Variants in IL1RAPL1 observed in about 807,000 individuals in gnomAD.
The protein encoded by IL1RAPL1 is interleukin-1 receptor accessory protein-like 1.
A neutral mutation model predicts 48.4 loss-of-function variants in IL1RAPL1; 3 were observed. The observed-to-expected ratio is 0.06, with a 90% confidence interval of 0.03 to 0.16. The LOEUF (loss-of-function observed/expected upper bound fraction) is 0.16. Ranked by LOEUF, IL1RAPL1 falls within the 10% of genes least tolerant of loss-of-function variation. IL1RAPL1 has a pLI of 1.00. For missense variants in IL1RAPL1, 349 were observed against 530.6 expected, an observed-to-expected ratio of 0.66 and a Z score of 3.36; for synonymous variants, 185 against 187.7, an observed-to-expected ratio of 0.99 and a Z score of 0.12.
intron 1 of IL1RAPL1, among the ~76,000 whole-genome samples, chrX:28,781,410 T>C (rs1936422411): frequency 9.1e-6 from 1 of 109,922 alleles, no homozygotes; most frequent in South Asian, 3.9e-4. Context: ...CATGGCACTT[T>C]CTTGTTGAAA....
At chrX:29,396,893 T>G (rs1050613430) in intron 4 of IL1RAPL1, among the ~76,000 whole-genome samples, 71 of 112,099 alleles carry the variant, frequency 6.3e-4, no homozygotes, top group African/African-American at 2.2e-3. Context: ...TTGTCCATAT[T>G]CTAATCTTTT....
At chrX:29,139,603 A>G (rs979516472) in intron 2 of IL1RAPL1, among the ~76,000 whole-genome samples, 2 of 111,243 alleles carry the variant, frequency 1.8e-5, no homozygotes, top group African/African-American at 6.5e-5. Flanking sequence ...GTGCCTTTTA[A>G]CAGCATTGAT....
At chrX:29,564,695 T>C (rs985618334) in intron 5 of IL1RAPL1, among the ~76,000 whole-genome samples, 4 of 113,211 alleles carry the variant, frequency 3.5e-5, no homozygotes, top group Non-Finnish European at 5.6e-5. Context: ...ATCAGCCTCC[T>C]GGCTGGCCTC....
intron 5 of IL1RAPL1, among the ~76,000 whole-genome samples, chrX:29,581,783 C>G (rs929195266): frequency 1.8e-5 from 2 of 111,086 alleles, no homozygotes; most frequent in Admixed American, 1.9e-4. Flanking sequence ...GCAGTTCTGG[C>G]TGTTTAATAT....
intron 6 of IL1RAPL1, among the ~76,000 whole-genome samples, chrX:29,876,712 A>G (rs1170605599): frequency 9.0e-6 from 1 of 111,688 alleles, no homozygotes. Context: ...TGTTTTACAG[A>G]CTAGGAGGAA....
At chrX:29,362,433 T>C (rs968076090) in intron 3 of IL1RAPL1, among the ~76,000 whole-genome samples, 3 of 112,163 alleles carry the variant, frequency 2.7e-5, no homozygotes, top group Non-Finnish European at 5.6e-5. Flanking sequence ...CTGATTTTGG[T>C]TGATGCCAGA....
chrX:28,975,095 A>G (rs1925172254), intron 2 of IL1RAPL1, among the ~76,000 whole-genome samples: 1 of 111,824 alleles, frequency 8.9e-6, no homozygotes, highest in African/African-American at 3.2e-5. Flanking sequence ...TTTTAATACA[A>G]AGTCATCTGG....
At chrX:29,418,125 A>ATTT (rs1186251989) in intron 5 of IL1RAPL1, among the ~76,000 whole-genome samples, 9 of 26,703 alleles carry the variant, frequency 3.4e-4, no homozygotes, top group African/African-American at 6.7e-4. Context: ...ATATATATAT[A>ATTT]TTTTTTTTTT....
At chrX:29,424,648 A>G (rs1934329350) in intron 5 of IL1RAPL1, among the ~76,000 whole-genome samples, 2 of 111,836 alleles carry the variant, frequency 1.8e-5, no homozygotes, top group African/African-American at 6.5e-5. Context: ...ACTGTGAAGC[A>G]GGGTGGTTCT....
intron 1 of IL1RAPL1, among the ~76,000 whole-genome samples, chrX:28,734,879 A>G (rs1935802447): frequency 1.8e-5 from 2 of 111,796 alleles, no homozygotes; most frequent in Non-Finnish European, 3.8e-5. Context: ...ATTATGTTGA[A>G]AAGGGTTTTC....
intron 1 of IL1RAPL1, among the ~76,000 whole-genome samples, chrX:28,621,470 C>G (rs1035083428): frequency 8.9e-6 from 1 of 112,100 alleles, no homozygotes; most frequent in Admixed American, 9.5e-5. Flanking sequence ...CTTCCTCTTT[C>G]TTACCTCAAA....
In IL1RAPL1 at chrX:29,915,740, AATTTTT is replaced by A. The variant is rs1440744056; in HGVS notation, c.779-1714_779-1709del. ...TTTTTTTTTTTTTTTTTTTGCATTT[AATTTTT>A]ATTTTTATTATTTTTATTATACTTT... On this transcript the variant is annotated intron_variant, in intron 6 of 10. Coordinates refer to ENST00000378993, the MANE Select transcript of IL1RAPL1 (RefSeq NM_014271.4). 4.3e-4 allele frequency among the ~76,000 whole-genome samples: 29 copies of A among 67,059 alleles called. No individual in the cohort carries two copies. In the South Asian group the frequency reaches 0.017, roughly 39 times the overall value. 58.2% of individuals were successfully genotyped at this position (67,059 alleles called of 115,157 possible).
At chrX:29,482,998 T>G (rs1935057366) in intron 5 of IL1RAPL1, among the ~76,000 whole-genome samples, 1 of 112,348 alleles carries the variant, frequency 8.9e-6, no homozygotes, top group African/African-American at 3.2e-5. Flanking sequence ...TTTTATCTGA[T>G]GCCAAAGTTA....
At chrX:29,357,009 C>A (rs903481285) in intron 3 of IL1RAPL1, among the ~76,000 whole-genome samples, 6 of 111,691 alleles carry the variant, frequency 5.4e-5, no homozygotes, top group African/African-American at 2.0e-4. Flanking sequence ...TGCTGATAAA[C>A]CTTTATTATT....
At chrX:29,721,182 C>T (rs1244271582) in intron 6 of IL1RAPL1, among the ~76,000 whole-genome samples, 1 of 112,131 alleles carries the variant, frequency 8.9e-6, no homozygotes, top group Non-Finnish European at 1.9e-5. Context: ...CCAGGCTCAC[C>T]TCCTCCATGA....
intron 6 of IL1RAPL1, among the ~76,000 whole-genome samples, chrX:29,752,086 A>G (rs1480792243): frequency 1.2e-4 from 12 of 99,288 alleles, no homozygotes; most frequent in African/African-American, 2.9e-4. Context: ...GTATGTATAT[A>G]TATATATATA....
At chrX:29,519,265 C>T (rs983489920) in intron 5 of IL1RAPL1, among the ~76,000 whole-genome samples, 6 of 111,392 alleles carry the variant, frequency 5.4e-5, no homozygotes, top group Non-Finnish European at 1.1e-4. Context: ...GCGAAAGGAC[C>T]GTGCGAGAGG....
intron 5 of IL1RAPL1, among the ~76,000 whole-genome samples, chrX:29,609,195 T>C (rs905275245): frequency 3.6e-5 from 4 of 111,585 alleles, no homozygotes; most frequent in African/African-American, 9.8e-5. Flanking sequence ...TCACCACTAC[T>C]CTGCTGTATT....
intron 5 of IL1RAPL1, among the ~76,000 whole-genome samples, chrX:29,576,065 A>C (rs2147801032): frequency 8.9e-6 from 1 of 112,095 alleles, no homozygotes; most frequent in East Asian, 2.8e-4. Flanking sequence ...CAAATATGCA[A>C]CTTCGTTCTT....
Sources: gnomAD v4.1 joint callset for allele counts (sites outside exome capture counted in the v4.1 genomes callset) on GRCh38, gnomAD v4.1.1 for gene constraint, MANE v1.5 for transcripts, NCBI Gene and HGNC (gene_info 2026-07-23, HGNC 2026-07-21) for gene names.